Variants in TPGS1 observed in about 807,000 individuals in gnomAD.
The protein encoded by TPGS1 is tubulin polyglutamylase complex subunit 1, also known as gene trap ROSA b-geo 22.
Under a neutral mutation model 11.9 loss-of-function variants are expected in TPGS1, and 18 were observed. That is an observed-to-expected ratio of 1.51 (90% confidence interval 1.04 to 2.24). The LOEUF (loss-of-function observed/expected upper bound fraction) is 2.24, where lower values mean the gene tolerates loss of function less well. TPGS1 is among the 30% of genes most tolerant of loss of function. TPGS1 has a pLI of 0.00. For missense variants in TPGS1, 500 were observed against 443.0 expected (o/e 1.13, Z -1.16); for synonymous variants, 247 against 218.2 (o/e 1.13, Z -1.16).
chr19:514,062 AC>A (rs1240290580), intron 1 of TPGS1, among the ~76,000 whole-genome samples: 1 of 151,556 alleles, frequency 6.6e-6, no homozygotes, highest in African/African-American at 2.4e-5. Context: ...CCCACTGCAC[AC>A]TGGCCCCACA....
Position 516,559 on chromosome 19 carries a change from AT to A in TPGS1, c.339-2325del, listed in dbSNP as rs1417698576. Among the ~76,000 whole-genome samples, 3 of 152,074 alleles carry A rather than the reference AT, an allele frequency of 2.0e-5. No individual in the cohort carries two copies. The South Asian group carries it at 6.2e-4, about 32-fold the overall frequency. ...ACCACCACGTCCCGCTAATTTTTGT[AT>A]TTTTAGTAGAGATGGGGTTTCACCA... On this transcript the variant is annotated intron_variant, in intron 1 of 1. Transcript: ENST00000359315.
intron 1 of TPGS1, among the ~76,000 whole-genome samples, chr19:515,918 G>A (rs183814891): frequency 2.2e-4 from 33 of 151,922 alleles, no homozygotes; most frequent in Non-Finnish European, 5.9e-5. Flanking sequence ...TGTAGTCCCA[G>A]CTACTTGGGA....
intron 1 of TPGS1, 29 bp downstream of exon 1, chr19:507,873 G>T: frequency 7.7e-6 from 10 of 1,301,318 alleles, no homozygotes; most frequent in Non-Finnish European, 9.8e-6. Flanking sequence ...TGGGCGGGTG[G>T]GGCAGCGATG....
intron 1 of TPGS1, 135 bp from the exon 2 acceptor site, chr19:518,754 G>C (rs1280420895): frequency 1.1e-6 from 1 of 947,636 alleles, no homozygotes; most frequent in Non-Finnish European, 1.5e-6. Context: ...GCCGGGGATG[G>C]GGGGTAGGAG....
chr19:512,313 G>A (rs939115046), intron 1 of TPGS1, among the ~76,000 whole-genome samples: 2 of 151,976 alleles, frequency 1.3e-5, no homozygotes, highest in African/African-American at 2.4e-5. Context: ...ACAGACGCAC[G>A]TCACCACACC....
intron 1 of TPGS1, 169 bp downstream of exon 1, chr19:508,013 G>A (rs1266898095): frequency 4.0e-6 from 2 of 505,282 alleles, no homozygotes; most frequent in Non-Finnish European, 6.2e-6. Context: ...TGGGCTGGAG[G>A]GTCCGGGCTT....
chr19:515,791 G>A (rs1600402834), intron 1 of TPGS1, among the ~76,000 whole-genome samples: 1 of 152,112 alleles, frequency 6.6e-6, no homozygotes, highest in Admixed American at 6.5e-5. Context: ...CCAGCACTTT[G>A]GGAGGCCGAG....
chr19:519,344 C>A lies in TPGS1; in HGVS notation c.794C>A (p.Pro265His). Residue 265 changes from proline to histidine, a missense_variant, in exon 2 of 2, where the codon CCC becomes CAC. Physicochemically the swap from Pro to His is moderately conservative, Grantham distance 77. Coordinates refer to ENST00000359315, the MANE Select transcript of TPGS1 (RefSeq NM_033513.3). ...ALDRAVGGRR[P>H]SAPMTREEFL... The stretch of plus-strand genomic sequence containing the variant: ...GACCGCGCCGTCGGGGGGCGGCGGC[C>A]CAGCGCGCCCATGACCCGCGAGGAG... The A allele has an allele frequency of 8.3e-7, 1 of 1,202,160 alleles. No individual in the cohort carries two copies. Among genetic ancestry groups the A allele is most frequent in the East Asian group, 3.5e-5 (1 of 28,288 alleles). The allele number at this position is 1,202,160 out of a possible 1,614,324, so 74.5% of individuals were successfully genotyped here.
Position 519,487 on chromosome 19 carries a change from G to A in TPGS1, c.*64G>A, listed in dbSNP as rs1979084535. Reference sequence around the variant, plus strand: ...GGTCCCCGCGTGCGGGGCGCGCGGAGCCTTCCCTTCGCCCTGGTGAGGCCC... The same window carrying A: ...GGTCCCCGCGTGCGGGGCGCGCGGAACCTTCCCTTCGCCCTGGTGAGGCCC... On this transcript the variant is annotated 3_prime_UTR_variant, in exon 2 of 2. Coordinates refer to ENST00000359315, the MANE Select transcript of TPGS1 (RefSeq NM_033513.3). 8.6e-7 allele frequency: 1 copy of A among 1,163,528 alleles called. No individual in the cohort carries two copies. The highest frequency in any genetic ancestry group is 1.1e-6 in the Non-Finnish European group (1 of 941,230). 72.1% of individuals were successfully genotyped at this position (1,163,528 alleles called of 1,614,324 possible).
chr19:508,093 C>G (rs751988882), intron 1 of TPGS1: 25 of 386,592 alleles, frequency 6.5e-5, no homozygotes, highest in Non-Finnish European at 4.6e-6. Flanking sequence ...TCTGTGATGC[C>G]TTTTTGCAGG....
intron 1 of TPGS1, among the ~76,000 whole-genome samples, chr19:516,919 G>A (rs1978971575): frequency 6.6e-6 from 1 of 152,170 alleles, no homozygotes; most frequent in Non-Finnish European, 1.5e-5. Flanking sequence ...ACTTTAAGAG[G>A]ATTTTAAAAT....
intron 1 of TPGS1, among the ~76,000 whole-genome samples, chr19:518,043 G>GGGT (rs1979015472): frequency 1.6e-5 from 1 of 61,192 alleles, no homozygotes; most frequent in Non-Finnish European, 3.5e-5. Flanking sequence ...GGCCCAGGCT[G>GGGT]AGGGGGTGCT....
At chr19:513,252 A>T (rs1326821974) in intron 1 of TPGS1, among the ~76,000 whole-genome samples, 1 of 152,216 alleles carries the variant, frequency 6.6e-6, no homozygotes, top group Non-Finnish European at 1.5e-5. Flanking sequence ...GACTGCCCCC[A>T]GCGCATTTTG....
intron 1 of TPGS1, among the ~76,000 whole-genome samples, chr19:518,623 A>G (rs1420444847): frequency 4.2e-5 from 1 of 23,550 alleles, no homozygotes; most frequent in Non-Finnish European, 8.2e-5. Flanking sequence ...CGGGCTGGGG[A>G]TGCTTGGGGG....
At chr19:518,449 A>T in intron 1 of TPGS1, among the ~76,000 whole-genome samples, 1 of 33,704 alleles carries the variant, frequency 3.0e-5, no homozygotes, top group African/African-American at 1.2e-4. Flanking sequence ...TACTGGGGGG[A>T]GGAGAGGCCA....
rs767662990 is a variant in TPGS1, at chr19:507,571, G to A, written c.65G>A (p.Arg22His). The change falls in exon 1 of 2, where the codon CGC becomes CAC. Residue 22 changes from arginine to histidine, a missense_variant. Physicochemically the swap from Arg to His is conservative, Grantham distance 29 (BLOSUM62 0). Transcript: ENST00000359315. ...PPPAGFTDSG[R>H]QSVSRAAGAA... ...CCGGCCGGTTTCACGGACAGCGGCCGCCAGTCGGTATCCCGGGCGGCGGGG... is the reference window on the plus strand; with the variant it reads ...CCGGCCGGTTTCACGGACAGCGGCCACCAGTCGGTATCCCGGGCGGCGGGG... 24 of 1,392,526 alleles carry A rather than the reference G, an allele frequency of 1.7e-5. No individual in the cohort carries two copies. The highest frequency in any genetic ancestry group is 2.0e-5 in the Non-Finnish European group (21 of 1,068,630). 86.3% of individuals were successfully genotyped at this position (1,392,526 alleles called of 1,614,324 possible). A position where few individuals can be genotyped will look rare whatever the true frequency, so the allele number is the denominator to read the frequency against.
Position 519,534 on chromosome 19 carries a change from C to G in TPGS1, c.*111C>G. On this transcript the variant is annotated 3_prime_UTR_variant, in exon 2 of 2. Transcript: ENST00000359315. ...GCCCTGCCATAACCAGGCGCCCAGC[C>G]CTGCGGAGGAGGCCGGGGCTCCCAG... The G allele has an allele frequency of 3.9e-6, 4 of 1,030,614 alleles. No individual in the cohort carries two copies. The highest frequency in any genetic ancestry group is 4.8e-6 in the Non-Finnish European group (4 of 826,190). The allele number at this position is 1,030,614 out of a possible 1,614,324, so 63.8% of individuals were successfully genotyped here.
intron 1 of TPGS1, among the ~76,000 whole-genome samples, chr19:512,539 GC>G (rs1978827995): frequency 6.6e-6 from 1 of 151,844 alleles, no homozygotes; most frequent in South Asian, 2.1e-4. Context: ...CTGAGAAGTA[GC>G]ACGATGGCTC....
intron 1 of TPGS1, chr19:509,673 A>G (rs1978728006): frequency 6.6e-6 from 1 of 152,326 alleles, no homozygotes; most frequent in African/African-American, 2.4e-5. Flanking sequence ...TTCCCTCATA[A>G]GGACACCACT....
Sources: gnomAD v4.1 joint callset for allele counts (sites outside exome capture counted in the v4.1 genomes callset) on GRCh38, gnomAD v4.1.1 for gene constraint, MANE v1.5 for transcripts, NCBI Gene and HGNC (gene_info 2026-07-23, HGNC 2026-07-21) for gene names.